Variants in F8 observed in about 807,000 individuals in gnomAD.
F8 encodes antihemophilic factor.
F8 carries 12 observed loss-of-function variants against 140.6 expected under a neutral mutation model. The ratio of observed to expected loss-of-function variants is 0.09; its 90% CI spans 0.05 to 0.14. The LOEUF (loss-of-function observed/expected upper bound fraction) is 0.14. F8 is among the 10% of genes least tolerant of loss of function. The pLI is 1.00. For synonymous variants in F8, 585 were observed against 614.6 expected (o/e 0.95, Z 0.71); for missense variants, 1,354 against 1,720.7 (o/e 0.79, Z 3.77).
chrX:154,983,694 C>T (rs1557283956), intron 6 of F8, among the ~76,000 whole-genome samples: 1 of 112,257 alleles, frequency 8.9e-6, no homozygotes, highest in Non-Finnish European at 1.9e-5. Context: ...ATTATCATAG[C>T]AGTGTTGGAA....
intron 14 of F8, among the ~76,000 whole-genome samples, chrX:154,920,464 T>A (rs896780110): frequency 1.8e-5 from 2 of 110,928 alleles, no homozygotes; most frequent in African/African-American, 6.6e-5. Context: ...TATTATTATT[T>A]TTTTTGAGAC....
chrX:154,936,425 T>C lies in F8; in HGVS notation c.2114-4749A>G, dbSNP rs782195971. 6.3e-5 allele frequency among the ~76,000 whole-genome samples: 7 copies of C among 111,580 alleles called. No homozygotes were observed. The South Asian group carries it at 2.6e-3, about 41-fold the overall frequency. On this transcript the variant is annotated intron_variant, in intron 13 of 25. Coordinates refer to ENST00000360256, the MANE Select transcript of F8 (RefSeq NM_000132.4). Reference sequence around the variant, plus strand: ...CCACACAAACATTAAGCAAAATAAATATGATAGTGCAGGTGTATAAATTTT... The same window carrying C: ...CCACACAAACATTAAGCAAAATAAACATGATAGTGCAGGTGTATAAATTTT...
In F8 at chrX:154,910,316, C is replaced by A. The variant is rs781902330; in HGVS notation, c.5220-3743G>T. Among the ~76,000 whole-genome samples the A allele has an allele frequency of 1.0e-4, 11 of 109,086 alleles. No individual in the cohort carries two copies. The East Asian group carries it at 2.9e-3, about 28-fold the overall frequency. 94.7% of individuals were successfully genotyped at this position (109,086 alleles called of 115,157 possible). A position where few individuals can be genotyped will look rare whatever the true frequency, so the allele number is the denominator to read the frequency against. The stretch of plus-strand genomic sequence containing the variant: ...AACCATCATTCTCAGCAAACTATCA[C>A]AAGGACAAAAAACCAAACACCGCAT... On this transcript the variant is annotated intron_variant, in intron 14 of 25. Coordinates refer to ENST00000360256, the MANE Select transcript of F8 (RefSeq NM_000132.4).
At chrX:154,845,290 G>A (rs2072556433) in intron 25 of F8, among the ~76,000 whole-genome samples, 1 of 111,750 alleles carries the variant, frequency 8.9e-6, no homozygotes, top group African/African-American at 3.3e-5. Flanking sequence ...TTGGTATCAG[G>A]ATGATGCTGG....
At chrX:154,898,562 C>A (rs781810487) in intron 21 of F8, among the ~76,000 whole-genome samples, 1 of 112,158 alleles carries the variant, frequency 8.9e-6, no homozygotes, top group South Asian at 3.7e-4. Flanking sequence ...ACTTATTAGC[C>A]ATGTGACTTG....
At chrX:154,910,224 T>C (rs1156536400) in intron 14 of F8, among the ~76,000 whole-genome samples, 3 of 111,567 alleles carry the variant, frequency 2.7e-5, no homozygotes, top group Admixed American at 9.5e-5. Context: ...TGCTTGTCCA[T>C]GGAATACTAT....
At chrX:154,839,583 T>C (rs373700239) in intron 25 of F8, among the ~76,000 whole-genome samples, 228 of 110,428 alleles carry the variant, frequency 2.1e-3, no homozygotes, top group South Asian at 0.02. Flanking sequence ...AGGATGGTCT[T>C]GATCTCCTGA....
intron 13 of F8, among the ~76,000 whole-genome samples, chrX:154,938,780 A>C (rs190677252): frequency 2.7e-5 from 3 of 110,308 alleles, no homozygotes; most frequent in Non-Finnish European, 3.8e-5. Flanking sequence ...TTACTAGCCA[A>C]CACACACTGA....
In F8 at chrX:154,955,278, G is replaced by A. The variant is rs183986532; in HGVS notation, c.1753-1236C>T. Among the ~76,000 whole-genome samples the A allele has an allele frequency of 2.6e-3, 228 of 87,279 alleles. 2 individuals are homozygous for A. In the Middle Eastern group the frequency reaches 0.028, roughly 11 times the overall value. 75.8% of individuals were successfully genotyped at this position (87,279 alleles called of 115,157 possible). A position where few individuals can be genotyped will look rare whatever the true frequency, so the allele number is the denominator to read the frequency against. ...CTATCTTCCCACCTCAGCCTCCTGAGTAGGTGGGACTACAGGCACACACCA... is the reference window on the plus strand; with the variant it reads ...CTATCTTCCCACCTCAGCCTCCTGAATAGGTGGGACTACAGGCACACACCA... On this transcript the variant is annotated intron_variant, in intron 11 of 25. Transcript: ENST00000360256.
chrX:154,910,743 C>A (rs1348170507), intron 14 of F8, among the ~76,000 whole-genome samples: 2 of 110,608 alleles, frequency 1.8e-5, no homozygotes, highest in Non-Finnish European at 3.8e-5. Flanking sequence ...TCCCCCAGCC[C>A]GACACCCGTA....
chrX:154,952,570 G>A (rs1257039116), intron 12 of F8, among the ~76,000 whole-genome samples: 1 of 103,542 alleles, frequency 9.7e-6, no homozygotes, highest in Non-Finnish European at 2.0e-5. Context: ...TTGAAACGGA[G>A]TCTCACTCTG....
chrX:154,841,179 G>T (rs1384354118), intron 25 of F8, among the ~76,000 whole-genome samples: 1 of 105,175 alleles, frequency 9.5e-6, no homozygotes, highest in Non-Finnish European at 2.0e-5. Context: ...GTTTTTATAG[G>T]ACAGTTAATT....
intron 14 of F8, chrX:154,919,565 C>T: frequency 1.3e-6 from 1 of 744,676 alleles, no homozygotes; most frequent in Non-Finnish European, 1.9e-6. Context: ...CTGGCAGACT[C>T]TCAGAATCTC....
chrX:154,990,053 G>C (rs1006658906), intron 4 of F8, among the ~76,000 whole-genome samples: 6 of 111,389 alleles, frequency 5.4e-5, no homozygotes, highest in African/African-American at 2.0e-4. Context: ...TCTTTATGCT[G>C]GTAACCTACC....
chrX:154,923,851 A>AG (rs1557277758), intron 14 of F8, among the ~76,000 whole-genome samples: 2 of 111,711 alleles, frequency 1.8e-5, no homozygotes, highest in East Asian at 5.6e-4. Flanking sequence ...ACATGCCTGT[A>AG]GTACCAGCTA....
intron 25 of F8, among the ~76,000 whole-genome samples, chrX:154,847,331 G>T (rs781892390): frequency 0.029 from 3,193 of 111,039 alleles, 100 homozygotes; most frequent in African/African-American, 0.097. Flanking sequence ...ATGTTGGCCT[G>T]CCTTGCTAGG....
chrX:154,971,915 C>T (rs1482212741), intron 6 of F8, among the ~76,000 whole-genome samples: 1 of 112,192 alleles, frequency 8.9e-6, no homozygotes, highest in Non-Finnish European at 1.9e-5. Flanking sequence ...GTTTCTTTAT[C>T]CATTCATCCA....
intron 6 of F8, among the ~76,000 whole-genome samples, chrX:154,973,473 T>G (rs1399271923): frequency 8.9e-6 from 1 of 112,713 alleles, no homozygotes. Flanking sequence ...TCCATGAACA[T>G]GAAATATCTT....
chrX:154,907,036 CATTG>C (rs2073042076), intron 14 of F8, among the ~76,000 whole-genome samples: 1 of 111,923 alleles, frequency 8.9e-6, no homozygotes, highest in Admixed American at 9.5e-5. Flanking sequence ...AGATCAGTAA[CATTG>C]CCAACAACCC....
Sources: gnomAD v4.1 joint callset for allele counts (sites outside exome capture counted in the v4.1 genomes callset) on GRCh38, gnomAD v4.1.1 for gene constraint, MANE v1.5 for transcripts, NCBI Gene and HGNC (gene_info 2026-07-23, HGNC 2026-07-21) for gene names.